The following BCL7C variants were observed in gnomAD, a reference collection of about 807,000 sequenced individuals.
The protein encoded by BCL7C is BAF chromatin remodeling complex subunit BCL7C, also known as B-cell CLL/lymphoma 7 protein family member C.
In BCL7C, 8 loss-of-function variants were observed where a neutral mutation model predicts 26.2. That is an observed-to-expected ratio of 0.30 (90% confidence interval 0.18 to 0.55). BCL7C has a LOEUF of 0.55. Ranked by LOEUF, BCL7C falls within the 20% of genes least tolerant of loss-of-function variation. The pLI, the probability that BCL7C is intolerant of heterozygous loss-of-function variation, is 0.93. For missense variants in BCL7C, 262 were observed against 298.5 expected, an observed-to-expected ratio of 0.88 and a Z score of 0.90; for synonymous variants, 90 against 116.5, an observed-to-expected ratio of 0.77 and a Z score of 1.47.
At chr16:30,860,916 T>C (rs2054765908) in intron 5 of BCL7C, among the ~76,000 whole-genome samples, 1 of 152,108 alleles carries the variant, frequency 6.6e-6, no homozygotes, top group African/African-American at 2.4e-5. Flanking sequence ...TCCCTGACCC[T>C]ATAATCCTTC....
rs1480140747 is a variant in BCL7C at position 30,834,100 on chromosome 16, C to G, written c.*848G>C. ...TTATTTCCTAGTACAACAGACCCAA[C>G]GGTGAAGTCAGGAAGTGAGAGCTTG... On this transcript the variant is annotated 3_prime_UTR_variant, in exon 6 of 6. Coordinates refer to the BCL7C transcript ENST00000380317. The surrounding 1 kb of genome is among the most constrained non-coding windows in gnomAD (Gnocchi z 4.3). 1 of 152,252 alleles carries G rather than the reference C, an allele frequency of 6.6e-6. No individual in the cohort carries two copies. The allele number at this position is 152,252 out of a possible 1,614,324, so 9.4% of individuals were successfully genotyped here.
chr16:30,885,884 C>A (rs968088879), downstream of BCL7C, among the ~76,000 whole-genome samples: 5 of 152,182 alleles, frequency 3.3e-5, no homozygotes, highest in Admixed American at 6.6e-5. Flanking sequence ...CAGGGTCTTG[C>A]TTTGTTGCCC....
chr16:30,857,291 G>A (rs2054730852), intron 5 of BCL7C, among the ~76,000 whole-genome samples: 1 of 151,052 alleles, frequency 6.6e-6, no homozygotes, highest in Admixed American at 6.6e-5. Flanking sequence ...GGGAGGCTGA[G>A]GCAGGAGAAT....
At chr16:30,851,715 T>A in intron 5 of BCL7C, 1 of 703,624 alleles carries the variant, frequency 1.4e-6, no homozygotes, top group South Asian at 1.7e-5. Context: ...TTGCAGTGGA[T>A]CAGACCAGCA....
chr16:30,889,118 G>A (rs2055183666), intron 4 of BCL7C, among the ~76,000 whole-genome samples, 173 bp from the exon 5 acceptor site: 1 of 152,216 alleles, frequency 6.6e-6, no homozygotes, highest in Non-Finnish European at 1.5e-5. Context: ...AGGGAACACT[G>A]ATGTGGGAGC....
chr16:30,855,564 G>T (rs1190337559), intron 5 of BCL7C, among the ~76,000 whole-genome samples: 1 of 151,906 alleles, frequency 6.6e-6, no homozygotes, highest in Non-Finnish European at 1.5e-5. Context: ...AAATTTTTAT[G>T]AGTCTCATTG....
chr16:30,867,806 T>C (rs1392415060), intron 5 of BCL7C, among the ~76,000 whole-genome samples: 1 of 151,650 alleles, frequency 6.6e-6, no homozygotes, highest in Non-Finnish European at 1.5e-5. Context: ...AAGAAAAAAA[T>C]AAAATAAAAT....
intron 5 of BCL7C, among the ~76,000 whole-genome samples, chr16:30,841,554 A>G (rs1264708806): frequency 6.6e-6 from 1 of 152,194 alleles, no homozygotes; most frequent in Non-Finnish European, 1.5e-5. Context: ...CGAAGGATAC[A>G]GTCTCACAAG....
Position 30,893,328 on chromosome 16 carries a change from G to T in BCL7C, c.93-38C>A. 6.4e-7 allele frequency: 1 copy of T among 1,568,962 alleles called. No homozygotes were observed. Among genetic ancestry groups the T allele is most frequent in the South Asian group, 1.1e-5 (1 of 88,998 alleles). Reference sequence around the variant, plus strand: ...GGGGGGCTGGGTCAGAGAGGCCTGAGGGGAGACCCACCCCCCTAGGAGCTG... The same window carrying T: ...GGGGGGCTGGGTCAGAGAGGCCTGATGGGAGACCCACCCCCCTAGGAGCTG... On this transcript the variant is annotated intron_variant, in intron 1 of 5. Coordinates refer to ENST00000215115, the MANE Select transcript of BCL7C (RefSeq NM_004765.4). This position sits in a 1 kb window ranked among gnomAD's most constrained non-coding sequence, Gnocchi z 5.2.
rs748667097 is a variant in BCL7C at position 30,892,900 on chromosome 16, G to A, written c.220C>T (p.Arg74Cys). The A allele has an allele frequency of 6.2e-6, 10 of 1,612,968 alleles. No individual in the cohort carries two copies. In the Admixed American group the frequency reaches 1.5e-4, roughly 24 times the overall value. ...CGGGGACTGGCGCCCCTGCCCCGACGTTCCCGGCCACGGGATCTCTCTGCC... is the reference window on the plus strand; with the variant it reads ...CGGGGACTGGCGCCCCTGCCCCGACATTCCCGGCCACGGGATCTCTCTGCC... ...GGAERSRGRE[R>C]RGRGASPRGG... Residue 74 changes from arginine to cysteine, a missense_variant, in exon 3 of 6, where the codon CGT (arginine) becomes TGT (cysteine). Physicochemically the swap from Arg to Cys is radical, Grantham distance 180 (BLOSUM62 -3). Coordinates refer to ENST00000215115, the MANE Select transcript of BCL7C (RefSeq NM_004765.4).
chr16:30,853,321 C>T (rs1329626526), intron 5 of BCL7C, among the ~76,000 whole-genome samples: 1 of 152,112 alleles, frequency 6.6e-6, no homozygotes, highest in African/African-American at 2.4e-5. Context: ...CACACACACA[C>T]CAGCCTAGGC....
intron 5 of BCL7C, among the ~76,000 whole-genome samples, chr16:30,857,083 G>A (rs1229382798): frequency 1.3e-5 from 2 of 152,238 alleles, no homozygotes; most frequent in Non-Finnish European, 2.9e-5. Flanking sequence ...TCCTGAGTCA[G>A]GTCAAATAAA....
At chr16:30,855,969 G>A (rs2054716839) in intron 5 of BCL7C, among the ~76,000 whole-genome samples, 2 of 150,318 alleles carry the variant, frequency 1.3e-5, no homozygotes, top group African/African-American at 4.9e-5. Context: ...GTCTGATGCA[G>A]GAAAATCGCT....
At chr16:30,871,418 C>T (rs1303747053) in intron 5 of BCL7C, among the ~76,000 whole-genome samples, 1 of 152,146 alleles carries the variant, frequency 6.6e-6, no homozygotes, top group Non-Finnish European at 1.5e-5. Flanking sequence ...GTACTTACCT[C>T]ACTAAGTTAT....
intron 5 of BCL7C, among the ~76,000 whole-genome samples, chr16:30,879,760 C>T (rs954573486): frequency 1.2e-4 from 17 of 140,562 alleles, no homozygotes; most frequent in South Asian, 4.6e-4. Context: ...GAGGCTGAGG[C>T]GGGCGGATCA....
chr16:30,887,691 G>T, downstream of BCL7C: 1 of 1,100,428 alleles, frequency 9.1e-7, no homozygotes, highest in Non-Finnish European at 1.2e-6. Flanking sequence ...CTACAGGAAG[G>T]TCCTCTCAGA....
chr16:30,851,039 T>C (rs2151363901), intron 5 of BCL7C, among the ~76,000 whole-genome samples: 1 of 152,206 alleles, frequency 6.6e-6, no homozygotes, highest in African/African-American at 2.4e-5. Flanking sequence ...ACACATTTTT[T>C]CCAATAAGAA....
intron 5 of BCL7C, among the ~76,000 whole-genome samples, chr16:30,849,454 C>T (rs556072007): frequency 7.9e-5 from 12 of 151,870 alleles, no homozygotes; most frequent in Admixed American, 5.3e-4. Context: ...TCCACATCCC[C>T]GTTTTTTGTT....
Position 30,893,403 on chromosome 16 carries a change from AAC to A in BCL7C, c.93-115_93-114del, listed in dbSNP as rs2055289603. The A allele has an allele frequency of 1.3e-6, 1 of 767,220 alleles. No homozygotes were observed. The highest frequency in any genetic ancestry group is 2.7e-5 in the East Asian group (1 of 36,796). The allele number at this position is 767,220 out of a possible 1,614,324, so 47.5% of individuals were successfully genotyped here. Reference sequence around the variant, plus strand: ...GGTTGAGGAGGCACAGGAGGATAGCAACAGTTTTGCTAATGGGGCATAGTTAC... The same window carrying A: ...GGTTGAGGAGGCACAGGAGGATAGCAAGTTTTGCTAATGGGGCATAGTTAC... On this transcript the variant is annotated intron_variant, in intron 1 of 5. Coordinates refer to ENST00000215115, the MANE Select transcript of BCL7C (RefSeq NM_004765.4). The surrounding 1 kb of genome is among the most constrained non-coding windows in gnomAD (Gnocchi z 5.2).
Sources: allele counts gnomAD v4.1 joint callset (sites outside exome capture counted in the v4.1 genomes callset), GRCh38; gene constraint gnomAD v4.1.1; non-coding constraint Gnocchi (gnomAD v3.1); transcripts MANE v1.5; gene names NCBI Gene and HGNC (gene_info 2026-07-23, HGNC 2026-07-21).